SHISAL1: variants seen among roughly 807,000 people sequenced by gnomAD.
The protein encoded by SHISAL1 is shisa like 1.
A neutral mutation model predicts 22.6 loss-of-function variants in SHISAL1; 9 were observed. The observed-to-expected ratio is 0.40, with a 90% confidence interval of 0.24 to 0.70. The LOEUF is 0.70. SHISAL1 is among the 30% of genes least tolerant of loss of function. The pLI is 0.39. For missense variants in SHISAL1, 246 were observed against 270.6 expected, an observed-to-expected ratio of 0.91 and a Z score of 0.64; for synonymous variants, 119 against 115.4, an observed-to-expected ratio of 1.03 and a Z score of -0.20.
intron 1 of SHISAL1, among the ~76,000 whole-genome samples, chr22:44,305,091 C>T (rs2055461007): frequency 6.6e-6 from 1 of 152,350 alleles, no homozygotes; most frequent in South Asian, 2.1e-4. Context: ...ACTTTAGAAG[C>T]TGCTTCAGTA....
intron 3 of SHISAL1, among the ~76,000 whole-genome samples, chr22:44,288,083 G>A (rs895577782): frequency 6.6e-6 from 1 of 152,128 alleles, no homozygotes; most frequent in Non-Finnish European, 1.5e-5. Flanking sequence ...GGCAGTGGAC[G>A]CTCGTTCCCC....
chr22:44,253,596 A>G (rs1384483975), intron 4 of SHISAL1, among the ~76,000 whole-genome samples: 1 of 138,278 alleles, frequency 7.2e-6, no homozygotes, highest in African/African-American at 2.7e-5. Context: ...TGTCTGGCTA[A>G]TTTTTTTTTT....
At chr22:44,287,619 T>C (rs1202237805) in intron 3 of SHISAL1, among the ~76,000 whole-genome samples, 1 of 151,532 alleles carries the variant, frequency 6.6e-6, no homozygotes, top group African/African-American at 2.4e-5. Context: ...AAGGTGTAAA[T>C]GACTGACAGC....
chr22:44,324,777 A>C, the SHISAL1 span, among the ~76,000 whole-genome samples: 2,248 of 152,208 alleles, frequency 0.015, 27 homozygotes, highest in Non-Finnish European at 0.021. Context: ...CAGCACCCGG[A>C]GCCTCCCTCT....
intron 3 of SHISAL1, among the ~76,000 whole-genome samples, chr22:44,287,579 C>T (rs1252158031): frequency 3.3e-5 from 5 of 152,160 alleles, no homozygotes; most frequent in African/African-American, 1.2e-4. Context: ...ACCATGAAGC[C>T]TGCATCAGAC....
At chr22:44,302,124 T>C (rs1305121675) in intron 1 of SHISAL1, among the ~76,000 whole-genome samples, 1 of 152,186 alleles carries the variant, frequency 6.6e-6, no homozygotes, top group Admixed American at 6.5e-5. Flanking sequence ...GCGGATCACC[T>C]GAGGTCAGGA....
intron 1 of SHISAL1, 136 bp from the exon 2 acceptor site, chr22:44,301,113 C>G (rs1026868748): frequency 1.7e-6 from 1 of 578,484 alleles, no homozygotes; most frequent in African/African-American, 1.9e-5. Flanking sequence ...CGGGTGCGGA[C>G]GATGGAGATG....
intron 4 of SHISAL1, among the ~76,000 whole-genome samples, chr22:44,280,590 G>A (rs1401736752): frequency 6.6e-6 from 1 of 152,204 alleles, no homozygotes; most frequent in Admixed American, 6.5e-5. Context: ...GGGCCGCTCA[G>A]GTAGGGAGGC....
chr22:44,268,849 G>A (rs2055184678), intron 4 of SHISAL1, among the ~76,000 whole-genome samples: 1 of 152,138 alleles, frequency 6.6e-6, no homozygotes, highest in Non-Finnish European at 1.5e-5. Context: ...CTGGGGCCCA[G>A]CCTTGGCCCA....
rs56290835 is a variant in SHISAL1 at position 44,261,077 on chromosome 22, T to TTATATATATATATATATATA, written c.*-11412_*-11393dup. ...AGAATGTGGTGTTTGCTTCATTACT[T>TTATATATATATATATATATA]TATATATATATATATATATATACAC... On this transcript the variant is annotated intron_variant, in intron 4 of 4. Transcript: ENST00000381176. 6.8e-3 allele frequency among the ~76,000 whole-genome samples: 737 copies of TTATATATATATATATATATA among 108,378 alleles called. 17 individuals carry two copies. The highest frequency in any genetic ancestry group is 0.011 in the East Asian group (36 of 3,166). 71.1% of individuals were successfully genotyped at this position (108,378 alleles called of 152,430 possible).
At chr22:44,330,663 GT>G in the SHISAL1 span, among the ~76,000 whole-genome samples, 3 of 146,176 alleles carry the variant, frequency 2.1e-5, no homozygotes, top group South Asian at 2.2e-4. Context: ...TTTTCCCCCT[GT>G]TTTTTTTTCC....
In SHISAL1 at chr22:44,276,871, G is replaced by C. The variant is rs571421841; in HGVS notation, c.599+8557C>G. Among the ~76,000 whole-genome samples, 33 of 152,244 alleles carry C rather than the reference G, an allele frequency of 2.2e-4. 1 individual carries two copies. The South Asian group carries it at 6.8e-3, about 32-fold the overall frequency. On this transcript the variant is annotated intron_variant, in intron 4 of 4. Transcript: ENST00000381176. The stretch of plus-strand genomic sequence containing the variant: ...AGAGAAGTGAAAGGGAGGAGCGCTT[G>C]TGTCTAAGATCAGGCAGATGATGAA...
chr22:44,329,299 G>A, the SHISAL1 span, among the ~76,000 whole-genome samples: 1 of 152,072 alleles, frequency 6.6e-6, no homozygotes, highest in South Asian at 2.1e-4. Flanking sequence ...GTCTCACTCT[G>A]GGCAGGTCCC....
the SHISAL1 span, among the ~76,000 whole-genome samples, chr22:44,329,418 T>C: frequency 1.3e-5 from 2 of 151,768 alleles, no homozygotes; most frequent in Non-Finnish European, 2.9e-5. Context: ...CCAGGCTGGG[T>C]GGCTCAGGAG....
the SHISAL1 span, among the ~76,000 whole-genome samples, chr22:44,325,159 C>T: frequency 6.6e-6 from 1 of 151,476 alleles, no homozygotes; most frequent in Non-Finnish European, 1.5e-5. Flanking sequence ...AAGAGAATCG[C>T]TTGAACCCAG....
At chr22:44,297,619 G>A (rs2055396485) in intron 2 of SHISAL1, among the ~76,000 whole-genome samples, 1 of 152,260 alleles carries the variant, frequency 6.6e-6, no homozygotes, top group Non-Finnish European at 1.5e-5. Context: ...CCACCACTCT[G>A]CTCAGGGGCG....
In SHISAL1 at chr22:44,301,627, C is replaced by T. The variant is rs2055430044; in HGVS notation, c.-32-650G>A. On this transcript the variant is annotated intron_variant, in intron 1 of 4. Coordinates refer to ENST00000381176, the MANE Select transcript of SHISAL1 (RefSeq NM_001099294.2). ...CACCCATGTTCCCAGCAGCATCCTT[C>T]ACCTTAGTCAAAAGGTAGAGGCAAC... 2.6e-5 allele frequency among the ~76,000 whole-genome samples: 4 copies of T among 152,228 alleles called. 1 individual carries two copies. The South Asian group carries it at 8.3e-4, about 31-fold the overall frequency.
intron 1 of SHISAL1, among the ~76,000 whole-genome samples, chr22:44,304,771 G>A (rs1026615275): frequency 4.6e-5 from 7 of 152,136 alleles, no homozygotes; most frequent in African/African-American, 1.7e-4. Flanking sequence ...CCCCTGAGAT[G>A]CCTCCCCCGT....
At chr22:44,287,249 C>A (rs753147229) in intron 3 of SHISAL1, among the ~76,000 whole-genome samples, 3 of 152,202 alleles carry the variant, frequency 2.0e-5, no homozygotes, top group Non-Finnish European at 4.4e-5. Context: ...TCAGCCCTGG[C>A]GCCAGCAGTG....
Sources: gnomAD v4.1 joint callset for allele counts (sites outside exome capture counted in the v4.1 genomes callset) on GRCh38, gnomAD v4.1.1 for gene constraint, MANE v1.5 for transcripts, NCBI Gene and HGNC (gene_info 2026-07-23, HGNC 2026-07-21) for gene names.